TTC39B: variants seen among roughly 807,000 people sequenced by gnomAD.
TTC39B encodes tetratricopeptide repeat protein 39B.
Under a neutral mutation model 96.6 loss-of-function variants are expected in TTC39B, and 92 were observed. The observed-to-expected ratio is 0.95, with a 90% CI of 0.80 to 1.13. TTC39B has a LOEUF of 1.13. Ranked by LOEUF, TTC39B falls within the 50% of genes most tolerant of loss-of-function variation. TTC39B has a pLI of 0.00. For synonymous variants in TTC39B, 367 were observed against 299.4 expected, an observed-to-expected ratio of 1.23 and a Z score of -2.33; for missense variants, 955 against 809.3, an observed-to-expected ratio of 1.18 and a Z score of -2.18.
chr9:15,270,480 C>T (rs1203012471), intron 1 of TTC39B, among the ~76,000 whole-genome samples: 7 of 152,162 alleles, frequency 4.6e-5, no homozygotes, highest in Admixed American at 4.6e-4. Context: ...CCTCACAAAC[C>T]TCAGCATGGA....
chr9:15,268,012 A>G lies in TTC39B; in HGVS notation c.241-64T>C, dbSNP rs1823200815. On this transcript the variant is annotated intron_variant, in intron 1 of 19. Coordinates refer to ENST00000512701, the Ensembl canonical transcript of TTC39B. The stretch of plus-strand genomic sequence containing the variant: ...TCTCAATGGGTTTCTCAAGAATTCT[A>G]AAAGAGAAAATGAATACACGCATTG... 3 of 1,502,012 alleles carry G rather than the reference A, an allele frequency of 2.0e-6. No homozygotes were observed. In the South Asian group the frequency reaches 3.4e-5, roughly 17 times the overall value. The allele number at this position is 1,502,012 out of a possible 1,614,324, so 93.0% of individuals were successfully genotyped here.
intron 15 of TTC39B, chr9:15,185,614 A>G (rs1818482693): frequency 1.7e-6 from 1 of 571,596 alleles, no homozygotes; most frequent in South Asian, 2.4e-5. Flanking sequence ...CTAGATTTTG[A>G]TAAGCCCTCC....
At chr9:15,177,939 G>C (rs936038492) in intron 17 of TTC39B, 125 bp from the exon 18 acceptor site, 4 of 513,524 alleles carry the variant, frequency 7.8e-6, no homozygotes, top group African/African-American at 2.1e-5. Flanking sequence ...GCGCAATCTC[G>C]GCTCACTGCA....
intron 3 of TTC39B, among the ~76,000 whole-genome samples, chr9:15,225,461 G>GA (rs1311749229): frequency 6.6e-6 from 1 of 151,890 alleles, no homozygotes; most frequent in African/African-American, 2.4e-5. Context: ...AATATTTGAC[G>GA]AAAAAATCTA....
chr9:15,246,466 G>C (rs755388162), intron 2 of TTC39B, among the ~76,000 whole-genome samples: 4 of 152,290 alleles, frequency 2.6e-5, no homozygotes, highest in African/African-American at 4.8e-5. Flanking sequence ...AATTTGGCAA[G>C]TGTGGTAGAT....
chr9:15,264,022 G>T (rs190661138), intron 2 of TTC39B, among the ~76,000 whole-genome samples: 10 of 152,342 alleles, frequency 6.6e-5, no homozygotes, highest in Admixed American at 1.3e-4. Flanking sequence ...GGAAGAAACT[G>T]CTGGCAGATA....
chr9:15,226,626 T>C (rs926729269), intron 2 of TTC39B, among the ~76,000 whole-genome samples: 4 of 152,216 alleles, frequency 2.6e-5, no homozygotes, highest in Admixed American at 1.3e-4. Context: ...GCAATGGTAC[T>C]TATTTTGTAA....
At chr9:15,256,230 C>A (rs1306883789) in intron 2 of TTC39B, among the ~76,000 whole-genome samples, 1 of 151,964 alleles carries the variant, frequency 6.6e-6, no homozygotes, top group Non-Finnish European at 1.5e-5. Context: ...CTTCCTTCTA[C>A]CACGTGAGGA....
rs776473593 is a variant in TTC39B, at chr9:15,188,032, TG to T, written c.1333del (p.Gln445LysfsTer27). On this transcript the variant is annotated frameshift_variant, in exon 14 of 20. Coordinates refer to ENST00000512701, the Ensembl canonical transcript of TTC39B. LOFTEE classifies it high-confidence loss of function. Reference sequence around the variant, plus strand: ...ATAGTAATATGCCTGCATCCAGTTTTGTTGGAAAACATTAATCCACATTAGC... The same window carrying T: ...ATAGTAATATGCCTGCATCCAGTTTTTTGGAAAACATTAATCCACATTAGC... The T allele has an allele frequency of 6.2e-7, 1 of 1,612,950 alleles. No individual in the cohort carries two copies.
exon 20 of TTC39B, chr9:15,168,496 G>T (rs1458046796): frequency 6.7e-6 from 1 of 149,932 alleles, no homozygotes; most frequent in Non-Finnish European, 1.5e-5. Context: ...TAGCCACAAA[G>T]ATCTTTTTAA....
At chr9:15,267,946 G>T in exon 2 of TTC39B, 2 of 1,610,008 alleles carry the variant, frequency 1.2e-6, no homozygotes, top group Non-Finnish European at 1.7e-6. Flanking sequence ...CTTCGAAAAC[G>T]TCCTGGGGGA....
rs1818026596 is a variant in TTC39B, at chr9:15,177,823, A to G, written c.1724-9T>C. On this transcript the variant is annotated splice_polypyrimidine_tract_variant and intron_variant, in intron 17 of 19. Coordinates refer to ENST00000512701, the Ensembl canonical transcript of TTC39B. ...AGAGAAGCTGTTAAAATCTTAAAAC[A>G]AAAAACATACAAAGAAAACACACAA... 1 of 1,534,550 alleles carries G rather than the reference A, an allele frequency of 6.5e-7. No homozygotes were observed.
At position 15,189,796 on chromosome 9, in the gene TTC39B, GA is replaced by G; in HGVS notation, c.1106-5del. ...GCAACATTCACTTCTCCTGTACCTA[GA>G]AATTTAACAGGAAAAGACTCAGTCT... On this transcript the variant is annotated splice_region_variant and splice_polypyrimidine_tract_variant and intron_variant, in intron 11 of 19. Coordinates refer to ENST00000512701, the Ensembl canonical transcript of TTC39B. 1.2e-6 allele frequency: 2 copies of G among 1,600,248 alleles called. No individual in the cohort carries two copies. The highest frequency in any genetic ancestry group is 1.7e-6 in the Non-Finnish European group (2 of 1,171,072).
At chr9:15,192,738 T>C (rs370594579) in intron 8 of TTC39B, 43 bp from the exon 9 acceptor site, 2 of 1,331,582 alleles carry the variant, frequency 1.5e-6, no homozygotes, top group African/African-American at 2.9e-5. Context: ...TGACCATGAC[T>C]CTGAAAATAA....
intron 2 of TTC39B, among the ~76,000 whole-genome samples, chr9:15,236,997 T>C (rs1821812076): frequency 6.8e-6 from 1 of 147,706 alleles, no homozygotes. Context: ...TAAATGAGAT[T>C]GAGACAAAAA....
chr9:15,178,194 C>G (rs533610955), intron 17 of TTC39B, among the ~76,000 whole-genome samples: 172 of 151,542 alleles, frequency 1.1e-3, no homozygotes, highest in South Asian at 2.8e-3. Flanking sequence ...AGAGAAAGAA[C>G]AAAGTTTCAG....
chr9:15,279,408 G>A (rs1346699099), intron 1 of TTC39B, among the ~76,000 whole-genome samples: 1 of 152,216 alleles, frequency 6.6e-6, no homozygotes, highest in East Asian at 1.9e-4. Context: ...CTCAAACTGA[G>A]AAATCCTATA....
intron 1 of TTC39B, among the ~76,000 whole-genome samples, chr9:15,277,553 C>G (rs1478926991): frequency 6.6e-6 from 1 of 152,088 alleles, no homozygotes; most frequent in Non-Finnish European, 1.5e-5. Context: ...ATGGTGAGAC[C>G]TTGGCCAACA....
chr9:15,251,069 G>T (rs953782708), intron 2 of TTC39B, among the ~76,000 whole-genome samples: 2 of 151,980 alleles, frequency 1.3e-5, no homozygotes, highest in African/African-American at 4.8e-5. Context: ...GGTGGCTCAC[G>T]CCTGTAGTCC....
Sources: allele counts gnomAD v4.1 joint callset (sites outside exome capture counted in the v4.1 genomes callset), GRCh38; gene constraint gnomAD v4.1.1; transcripts MANE v1.5; gene names NCBI Gene and HGNC (gene_info 2026-07-23, HGNC 2026-07-21).